Variants in ASTN2 observed in about 807,000 individuals in gnomAD.
The protein encoded by ASTN2 is astrotactin-2.
A neutral mutation model predicts 139.8 loss-of-function variants in ASTN2; 54 were observed. The ratio of observed to expected loss-of-function variants is 0.39; its 90% CI spans 0.31 to 0.48. The LOEUF is 0.48. ASTN2 is among the 20% of genes least tolerant of loss of function. ASTN2 has a pLI of 0.95. For missense variants in ASTN2, 1,565 were observed against 1,725.1 expected, an observed-to-expected ratio of 0.91 and a Z score of 1.64; for synonymous variants, 756 against 719.5, an observed-to-expected ratio of 1.05 and a Z score of -0.81.
At chr9:117,018,697 T>C (rs1426540636) in intron 6 of ASTN2, among the ~76,000 whole-genome samples, 2 of 152,202 alleles carry the variant, frequency 1.3e-5, no homozygotes, top group Non-Finnish European at 2.9e-5. Flanking sequence ...TTGATATTTC[T>C]TTTCTCTGCT....
rs1417699574 is a variant in ASTN2 at position 117,244,745 on chromosome 9, A to C, written c.631-30003T>G. ...GAGGGAAGGAGGGAGTGAGGGAGGG[A>C]AGGAGGGAGGGAGGGAGAGAGGGAA... On this transcript the variant is annotated intron_variant, in intron 2 of 22. Transcript: ENST00000313400. Among the ~76,000 whole-genome samples, 4 of 132,738 alleles carry C rather than the reference A, an allele frequency of 3.0e-5. No homozygotes were observed. The East Asian group carries it at 1.1e-3, about 35-fold the overall frequency. The allele number at this position is 132,738 out of a possible 152,430, so 87.1% of individuals were successfully genotyped here.
intron 16 of ASTN2, among the ~76,000 whole-genome samples, chr9:116,717,807 T>C (rs889103137): frequency 6.6e-6 from 1 of 152,222 alleles, no homozygotes; most frequent in Non-Finnish European, 1.5e-5. Context: ...AGAGAACCCT[T>C]TGAGACTGCA....
intron 7 of ASTN2, among the ~76,000 whole-genome samples, chr9:116,993,296 G>A (rs1836910648): frequency 6.6e-6 from 1 of 152,032 alleles, no homozygotes; most frequent in Non-Finnish European, 1.5e-5. Context: ...TCACCCCTGT[G>A]AGCCTTTGCA....
intron 19 of ASTN2, among the ~76,000 whole-genome samples, chr9:116,554,594 G>C (rs1852512512): frequency 6.6e-6 from 1 of 152,206 alleles, no homozygotes. Context: ...TGACACCTCT[G>C]TAACATTCGC....
chr9:117,389,608 A>G (rs767581638), intron 1 of ASTN2, among the ~76,000 whole-genome samples: 7 of 152,172 alleles, frequency 4.6e-5, no homozygotes, highest in Admixed American at 3.3e-4. Flanking sequence ...CAGACTTGAC[A>G]CTATGGAGGC....
intron 13 of ASTN2, among the ~76,000 whole-genome samples, chr9:116,744,025 C>T (rs1829168457): frequency 3.3e-5 from 5 of 152,048 alleles, no homozygotes; most frequent in Admixed American, 3.3e-4. Flanking sequence ...TTAATGTAGA[C>T]TGAGGAGGTC....
At chr9:116,920,127 T>A (rs1334211804) in intron 10 of ASTN2, among the ~76,000 whole-genome samples, 4 of 152,096 alleles carry the variant, frequency 2.6e-5, no homozygotes, top group Non-Finnish European at 5.9e-5. Context: ...TTAGATGCTC[T>A]CTAAAGATGG....
intron 10 of ASTN2, among the ~76,000 whole-genome samples, chr9:116,967,095 A>G (rs1445976950): frequency 6.6e-6 from 1 of 152,210 alleles, no homozygotes; most frequent in Non-Finnish European, 1.5e-5. Context: ...TGTTGTGAGG[A>G]GTCAAAATGA....
intron 16 of ASTN2, among the ~76,000 whole-genome samples, chr9:116,672,216 A>T (rs1211801059): frequency 6.6e-6 from 1 of 152,020 alleles, no homozygotes; most frequent in Non-Finnish European, 1.5e-5. Flanking sequence ...TCTACAAAAC[A>T]TTACCTAGGC....
At chr9:116,487,582 ATGT>A in intron 19 of ASTN2, 82 bp from the exon 20 acceptor site, 4 of 1,316,904 alleles carry the variant, frequency 3.0e-6, no homozygotes, top group Non-Finnish European at 4.1e-6. Context: ...AACCTATCAA[ATGT>A]CTTGATACCA....
intron 19 of ASTN2, among the ~76,000 whole-genome samples, chr9:116,518,113 G>C (rs1587925423): frequency 6.6e-6 from 1 of 152,158 alleles, no homozygotes; most frequent in African/African-American, 2.4e-5. Flanking sequence ...AACTTCCCCA[G>C]CCTTGCTAGA....
Position 116,440,710 on chromosome 9 carries a change from C to A in ASTN2, c.3681G>T (p.Glu1227Asp), listed in dbSNP as rs1177740339. ...CTCGGAACAGCATCGAGGCTGAGAC[C>A]TCCATCAGTGTGTTGTAGGCCATCT... ...EQQMAYNTLM[E>D]VSASMLFRVQ... is the part of the protein sequence containing the mutation. The change falls in exon 22 of 23, where the codon GAG becomes GAT. Residue 1227 changes from glutamate to aspartate, a missense_variant. By Grantham distance (45) the Glu-to-Asp change is conservative. This residue lies in a region of ASTN2 where 418 missense variants were observed against 465.8 expected (regional missense o/e 0.90). Transcript: ENST00000313400. The A allele has an allele frequency of 6.2e-7, 1 of 1,614,180 alleles. No individual in the cohort carries two copies. Among genetic ancestry groups the A allele is most frequent in the South Asian group, 1.1e-5 (1 of 91,078 alleles).
chr9:117,265,890 T>G (rs1339630812), intron 2 of ASTN2, among the ~76,000 whole-genome samples: 1 of 152,166 alleles, frequency 6.6e-6, no homozygotes, highest in Non-Finnish European at 1.5e-5. Context: ...AAAGAATAGT[T>G]TATAAAGCCA....
intron 4 of ASTN2, among the ~76,000 whole-genome samples, chr9:117,127,055 T>C (rs879762205): frequency 2.0e-5 from 3 of 152,204 alleles, no homozygotes; most frequent in East Asian, 1.9e-4. Flanking sequence ...GGCAGGATAA[T>C]TGCTCTGACT....
chr9:117,357,256 C>T (rs1829565777), intron 1 of ASTN2, among the ~76,000 whole-genome samples: 1 of 152,002 alleles, frequency 6.6e-6, no homozygotes, highest in African/African-American at 2.4e-5. Context: ...TGAATATAAA[C>T]ATCTTTGACA....
intron 6 of ASTN2, among the ~76,000 whole-genome samples, chr9:117,020,666 C>T (rs888119775): frequency 6.6e-6 from 1 of 152,082 alleles, no homozygotes; most frequent in Non-Finnish European, 1.5e-5. Flanking sequence ...TCAGAGGAGT[C>T]AGCATGTGGC....
intron 2 of ASTN2, among the ~76,000 whole-genome samples, chr9:117,231,350 A>C (rs1414587581): frequency 1.3e-5 from 2 of 152,142 alleles, no homozygotes; most frequent in Admixed American, 6.6e-5. Flanking sequence ...AGTCCTTCTT[A>C]TTTGTGTATG....
At chr9:116,549,606 C>A (rs1852254146) in intron 19 of ASTN2, among the ~76,000 whole-genome samples, 1 of 152,196 alleles carries the variant, frequency 6.6e-6, no homozygotes, top group Non-Finnish European at 1.5e-5. Context: ...GTGATCCCAG[C>A]CCAGAGGGCC....
At chr9:116,586,847 C>T (rs61061537) in intron 19 of ASTN2, among the ~76,000 whole-genome samples, 3,489 of 133,232 alleles carry the variant, frequency 0.026, 138 homozygotes, top group African/African-American at 0.091. Flanking sequence ...CACACACACA[C>T]ACACACACAC....
Sources: allele counts gnomAD v4.1 joint callset (sites outside exome capture counted in the v4.1 genomes callset), GRCh38; gene constraint gnomAD v4.1.1; regional missense constraint gnomAD v4.1.1; transcripts MANE v1.5; gene names NCBI Gene and HGNC (gene_info 2026-07-23, HGNC 2026-07-21).